RBFOX1: variants seen among roughly 807,000 people sequenced by gnomAD.
RBFOX1 encodes RNA binding fox-1 homolog 1.
A neutral mutation model predicts 57.7 loss-of-function variants in RBFOX1; 8 were observed. That is an observed-to-expected ratio of 0.14 (90% CI 0.08 to 0.25). The LOEUF (loss-of-function observed/expected upper bound fraction) is 0.25. Ranked by LOEUF, RBFOX1 falls within the 10% of genes least tolerant of loss-of-function variation. The probability of loss-of-function intolerance (pLI) is 1.00; values close to 1 mark genes in which losing one functional copy is unlikely to be tolerated. For missense variants in RBFOX1, 611 were observed against 548.5 expected, an observed-to-expected ratio of 1.11 and a Z score of -1.14; for synonymous variants, 326 against 222.4, an observed-to-expected ratio of 1.47 and a Z score of -4.15.
chr16:7,661,464 C>G (rs1227044847), intron 12 of RBFOX1, among the ~76,000 whole-genome samples: 3 of 152,176 alleles, frequency 2.0e-5, no homozygotes, highest in Non-Finnish European at 4.4e-5. Context: ...CTTCACTCCT[C>G]TCTACCGAGC....
At chr16:5,608,910 C>G (rs4786734) in intron 3 of RBFOX1, among the ~76,000 whole-genome samples, 1 of 152,076 alleles carries the variant, frequency 6.6e-6, no homozygotes, top group Non-Finnish European at 1.5e-5. Context: ...GAAATGCAGT[C>G]TGTTTGCTCA....
chr16:7,637,503 C>T (rs533302750), intron 11 of RBFOX1, among the ~76,000 whole-genome samples: 4 of 152,188 alleles, frequency 2.6e-5, no homozygotes, highest in African/African-American at 7.2e-5. Context: ...CAGGCCTGTA[C>T]TATTTTACTT....
At chr16:6,824,480 T>G (rs554796497) in intron 3 of RBFOX1, among the ~76,000 whole-genome samples, 1 of 152,180 alleles carries the variant, frequency 6.6e-6, no homozygotes, top group African/African-American at 2.4e-5. Flanking sequence ...AAAATGGTAG[T>G]GGTGTTTTGT....
chr16:7,239,509 A>AT (rs552208623), intron 4 of RBFOX1, among the ~76,000 whole-genome samples: 93 of 152,230 alleles, frequency 6.1e-4, no homozygotes, highest in African/African-American at 1.8e-3. Context: ...AAATAAATAA[A>AT]TAAATAAAAA....
intron 3 of RBFOX1, among the ~76,000 whole-genome samples, chr16:5,615,577 T>A (rs1167946178): frequency 1.3e-5 from 2 of 152,034 alleles, no homozygotes; most frequent in Non-Finnish European, 2.9e-5. Context: ...GTGGTGGGAG[T>A]CCCAGCTCCG....
At chr16:6,776,064 A>G (rs994217003) in intron 3 of RBFOX1, 33 of 152,264 alleles carry the variant, frequency 2.2e-4, no homozygotes, top group African/African-American at 7.2e-4. Flanking sequence ...GTTTTTAAAC[A>G]TTAGTACTGA....
intron 1 of RBFOX1, among the ~76,000 whole-genome samples, chr16:6,167,208 G>T (rs1221441093): frequency 1.3e-5 from 2 of 152,242 alleles, no homozygotes; most frequent in Non-Finnish European, 2.9e-5. Flanking sequence ...GTGATGTTCA[G>T]GGCCCTTAGT....
chr16:5,422,804 G>A (rs1350703500), intron 1 of RBFOX1, among the ~76,000 whole-genome samples: 1 of 133,742 alleles, frequency 7.5e-6, no homozygotes, highest in Non-Finnish European at 1.6e-5. Context: ...GAAGAAAGAG[G>A]AGGAGGAGGA....
rs561660250 is a variant in RBFOX1 at position 7,103,216 on chromosome 16, A to T, written c.27+51118A>T. Among the ~76,000 whole-genome samples the T allele has an allele frequency of 3.3e-5, 5 of 152,286 alleles. No homozygotes were observed. In the South Asian group the frequency reaches 1.0e-3, roughly 32 times the overall value. On this transcript the variant is annotated intron_variant, in intron 4 of 15. Transcript: ENST00000550418. ...ATTTTTAAAGAGGGGATAAAAAACC[A>T]ATGACCTCATTCTTTTGCATTTGTA...
rs114161316 is a variant in RBFOX1, at chr16:6,828,509, C to T, written c.-16+173859C>T. Among the ~76,000 whole-genome samples, 645 of 150,838 alleles carry T rather than the reference C, an allele frequency of 4.3e-3. 4 individuals carry two copies. The highest frequency in any genetic ancestry group is 0.015 in the African/African-American group (597 of 40,958). On this transcript the variant is annotated intron_variant, in intron 3 of 15. Transcript: ENST00000550418. ...ATTGCACTCCAGCCTGGCAACAGAGCGAGACGTGTCTTTAAAAAAAAAAAA... is the reference window on the plus strand; with the variant it reads ...ATTGCACTCCAGCCTGGCAACAGAGTGAGACGTGTCTTTAAAAAAAAAAAA...
intron 1 of RBFOX1, among the ~76,000 whole-genome samples, chr16:6,158,331 C>A (rs2096853235): frequency 6.6e-6 from 1 of 152,166 alleles, no homozygotes; most frequent in East Asian, 1.9e-4. Context: ...GTGAACAAGG[C>A]TGTTTTGTTC....
In RBFOX1 at chr16:7,610,118, C is replaced by CTTTTTT. The variant is rs34468596; in HGVS notation, c.676+2796_676+2801dup. ...GGTGTGAGCCACTGCGCCCGGCCCCCTTTTTTTTTTTTTTTTTTTTTGAGG... is the reference window on the plus strand; with the variant it reads ...GGTGTGAGCCACTGCGCCCGGCCCCCTTTTTTTTTTTTTTTTTTTTTTTTTTTGAGG... On this transcript the variant is annotated intron_variant, in intron 10 of 15. Coordinates refer to ENST00000550418, the MANE Select transcript of RBFOX1 (RefSeq NM_018723.4). 2.7e-4 allele frequency among the ~76,000 whole-genome samples: 18 copies of CTTTTTT among 65,610 alleles called. 1 individual carries two copies. Among genetic ancestry groups the CTTTTTT allele is most frequent in the African/African-American group, 1.0e-3 (13 of 12,430 alleles). The allele number at this position is 65,610 out of a possible 152,430, so 43.0% of individuals were successfully genotyped here.
At chr16:6,840,970 C>G (rs1043067022) in intron 3 of RBFOX1, among the ~76,000 whole-genome samples, 3 of 151,856 alleles carry the variant, frequency 2.0e-5, no homozygotes, top group Non-Finnish European at 4.4e-5. Flanking sequence ...GGGTATCTAC[C>G]AGGAGGTGGA....
chr16:6,440,152 G>C (rs1171641799), intron 2 of RBFOX1, among the ~76,000 whole-genome samples: 1 of 151,826 alleles, frequency 6.6e-6, no homozygotes, highest in Non-Finnish European at 1.5e-5. Flanking sequence ...GGCCAGGCTG[G>C]TCTTGAACTC....
chr16:6,470,581 C>T (rs112791326), intron 2 of RBFOX1, among the ~76,000 whole-genome samples: 288 of 152,308 alleles, frequency 1.9e-3, no homozygotes, highest in African/African-American at 6.8e-3. Context: ...AAGTAGAACA[C>T]ATATCTATCC....
chr16:7,630,133 G>C (rs549014588), intron 10 of RBFOX1, among the ~76,000 whole-genome samples: 2 of 151,950 alleles, frequency 1.3e-5, no homozygotes, highest in Admixed American at 1.3e-4. Context: ...TACGTCTCCA[G>C]TCATATGATG....
intron 4 of RBFOX1, among the ~76,000 whole-genome samples, chr16:7,174,864 T>A (rs947921897): frequency 6.6e-6 from 1 of 152,180 alleles, no homozygotes. Context: ...ACCAGCAACA[T>A]ACAAGCATCC....
At chr16:5,556,219 T>C (rs1413194172) in intron 2 of RBFOX1, among the ~76,000 whole-genome samples, 5 of 152,220 alleles carry the variant, frequency 3.3e-5, no homozygotes, top group Non-Finnish European at 5.9e-5. Flanking sequence ...GCCTTGGTCA[T>C]ATTAATGAGG....
At chr16:6,984,601 C>G (rs1292517065) in intron 3 of RBFOX1, among the ~76,000 whole-genome samples, 1 of 152,112 alleles carries the variant, frequency 6.6e-6, no homozygotes, top group African/African-American at 2.4e-5. Flanking sequence ...TGGACAGAAT[C>G]TTAGCTCTGC....
Sources: allele counts gnomAD v4.1 joint callset (sites outside exome capture counted in the v4.1 genomes callset), GRCh38; gene constraint gnomAD v4.1.1; transcripts MANE v1.5; gene names NCBI Gene and HGNC (gene_info 2026-07-23, HGNC 2026-07-21).